Variants in SPIRE1 observed in about 807,000 individuals in gnomAD.
The protein encoded by SPIRE1 is spire type actin nucleation factor 1.
A neutral mutation model predicts 94.1 loss-of-function variants in SPIRE1; 40 were observed. The observed-to-expected ratio is 0.43, with a 90% CI of 0.33 to 0.55. The LOEUF (loss-of-function observed/expected upper bound fraction) is 0.55. Among genes scored for constraint, SPIRE1 ranks in the 20% least tolerant of loss-of-function variants. The pLI, the probability that SPIRE1 is intolerant of heterozygous loss-of-function variation, is 0.06. For synonymous variants in SPIRE1, 376 were observed against 371.7 expected (o/e 1.01, Z -0.13); for missense variants, 838 against 975.2 (o/e 0.86, Z 1.87).
At chr18:12,609,571 A>T (rs1485851839) in intron 2 of SPIRE1, among the ~76,000 whole-genome samples, 1 of 152,188 alleles carries the variant, frequency 6.6e-6, no homozygotes, top group African/African-American at 2.4e-5. Flanking sequence ...CAAGCTAGGT[A>T]GAATCTGTTC....
intron 5 of SPIRE1, 25 bp from the exon 6 acceptor site, chr18:12,506,666 C>G: frequency 6.2e-7 from 1 of 1,609,164 alleles, no homozygotes; most frequent in Non-Finnish European, 8.5e-7. Flanking sequence ...GATAGAGAGA[C>G]ATCAATGAAT....
intron 5 of SPIRE1, among the ~76,000 whole-genome samples, chr18:12,509,849 A>G (rs535818210): frequency 1.4e-4 from 22 of 152,224 alleles, no homozygotes; most frequent in South Asian, 6.2e-4. Flanking sequence ...TTGGGAGGCC[A>G]AGGCGGGCGG....
intron 2 of SPIRE1, among the ~76,000 whole-genome samples, chr18:12,576,867 C>T (rs1019232455): frequency 2.3e-5 from 3 of 128,216 alleles, no homozygotes; most frequent in South Asian, 2.6e-4. Context: ...GAAGCCTGGG[C>T]GACAGAGTGA....
intron 2 of SPIRE1, among the ~76,000 whole-genome samples, chr18:12,556,799 C>G (rs1045117736): frequency 3.3e-5 from 5 of 152,172 alleles, no homozygotes; most frequent in African/African-American, 9.7e-5. Context: ...AAAGAGTGAG[C>G]AGCAGCAAGA....
chr18:12,631,570 A>C (rs867845112), intron 2 of SPIRE1, among the ~76,000 whole-genome samples: 2 of 150,320 alleles, frequency 1.3e-5, no homozygotes, highest in African/African-American at 4.9e-5. Context: ...AAAAAAAAAA[A>C]AAAAACATAA....
chr18:12,614,709 T>C lies in SPIRE1; in HGVS notation c.372+20353A>G, dbSNP rs9964227. ...CACGGGCGCCTGTAACCCCAGCTAC[T>C]TGGGAGGCTGAGGCAGGAGAATCAC... On this transcript the variant is annotated intron_variant, in intron 2 of 16. Transcript: ENST00000409402. Among the ~76,000 whole-genome samples the C allele has an allele frequency of 2.5e-3, 373 of 152,044 alleles. 3 individuals carry two copies. Among genetic ancestry groups the C allele is most frequent in the African/African-American group, 8.7e-3 (361 of 41,462 alleles).
chr18:12,587,870 T>C (rs1190063056), intron 2 of SPIRE1, among the ~76,000 whole-genome samples: 1 of 152,196 alleles, frequency 6.6e-6, no homozygotes, highest in Non-Finnish European at 1.5e-5. Flanking sequence ...AAAGTATCCA[T>C]TTTAATACTT....
At chr18:12,488,056 T>C (rs890985792) in intron 8 of SPIRE1, among the ~76,000 whole-genome samples, 1 of 152,126 alleles carries the variant, frequency 6.6e-6, no homozygotes, top group Non-Finnish European at 1.5e-5. Context: ...CTTCCCTTCC[T>C]CTCCAACAAA....
chr18:12,598,304 T>C (rs2144623235), intron 2 of SPIRE1, among the ~76,000 whole-genome samples: 1 of 152,314 alleles, frequency 6.6e-6, no homozygotes, highest in Non-Finnish European at 1.5e-5. Context: ...AAACAATATT[T>C]TGAATACTGC....
At chr18:12,647,555 C>G (rs1235100499) in intron 1 of SPIRE1, among the ~76,000 whole-genome samples, 1 of 151,980 alleles carries the variant, frequency 6.6e-6, no homozygotes, top group Non-Finnish European at 1.5e-5. Flanking sequence ...CAAGACCAGC[C>G]TGGGCAATAT....
intron 7 of SPIRE1, 112 bp downstream of exon 7, chr18:12,495,904 A>T: frequency 1.3e-6 from 1 of 749,398 alleles, no homozygotes; most frequent in East Asian, 2.6e-5. Flanking sequence ...CTTCAGAGTA[A>T]AAAGCTCAGA....
rs373576774 is a variant in SPIRE1 at position 12,541,740 on chromosome 18, T to G, written c.603+4934A>C. Among the ~76,000 whole-genome samples the G allele has an allele frequency of 5.9e-5, 9 of 152,252 alleles. No individual in the cohort carries two copies. In the East Asian group the frequency reaches 1.7e-3, roughly 29 times the overall value. ...CAATGTATGATTGGATTTTGTATTT[T>G]TAATGCAGTCTAAAAATCTGTGTCT... On this transcript the variant is annotated intron_variant, in intron 3 of 16. Transcript: ENST00000409402.
At chr18:12,631,546 T>TAAAAAA (rs1371459874) in intron 2 of SPIRE1, among the ~76,000 whole-genome samples, 1 of 4,742 alleles carries the variant, frequency 2.1e-4, no homozygotes, top group Non-Finnish European at 3.4e-4. Context: ...ACCCCATCTC[T>TAAAAAA]ACAAAAAAAA....
At chr18:12,578,350 T>C (rs1300786103) in intron 2 of SPIRE1, among the ~76,000 whole-genome samples, 7 of 152,158 alleles carry the variant, frequency 4.6e-5, no homozygotes, top group East Asian at 3.8e-4. Flanking sequence ...ATTGACACAA[T>C]GGAATAATAG....
At chr18:12,453,254 G>A (rs1260350693) in intron 13 of SPIRE1, 116 bp from the exon 14 acceptor site, 2 of 608,118 alleles carry the variant, frequency 3.3e-6, no homozygotes, top group African/African-American at 1.9e-5. Context: ...ACAAGAGGAG[G>A]AAGACAATTC....
intron 2 of SPIRE1, among the ~76,000 whole-genome samples, chr18:12,615,812 T>A (rs1023968367): frequency 1.3e-5 from 2 of 152,148 alleles, no homozygotes; most frequent in Non-Finnish European, 2.9e-5. Flanking sequence ...TCCTAAAATG[T>A]TAAAGGAATA....
chr18:12,510,542 ATCT>A (rs975126226), intron 5 of SPIRE1, among the ~76,000 whole-genome samples: 4 of 150,996 alleles, frequency 2.6e-5, no homozygotes, highest in African/African-American at 7.3e-5. Context: ...GACTTCAACA[ATCT>A]TCTTTTTTTT....
chr18:12,526,090 CACAG>C (rs1254425122), intron 4 of SPIRE1, among the ~76,000 whole-genome samples: 2 of 148,426 alleles, frequency 1.3e-5, no homozygotes, highest in African/African-American at 2.5e-5. Context: ...CACACACACA[CACAG>C]AGATGTATCT....
chr18:12,498,121 G>A (rs1405126013), intron 6 of SPIRE1, among the ~76,000 whole-genome samples: 2 of 152,208 alleles, frequency 1.3e-5, no homozygotes, highest in Admixed American at 6.5e-5. Flanking sequence ...AATCTGAAAT[G>A]TTCCAATGAG....
Sources: gnomAD v4.1 joint callset for allele counts (sites outside exome capture counted in the v4.1 genomes callset) on GRCh38, gnomAD v4.1.1 for gene constraint, MANE v1.5 for transcripts, NCBI Gene and HGNC (gene_info 2026-07-23, HGNC 2026-07-21) for gene names.